ARRDC5: variants seen among roughly 807,000 people sequenced by gnomAD.
ARRDC5 encodes the protein arrestin domain containing 5.
In ARRDC5, 12 loss-of-function variants were observed where a neutral mutation model predicts 13.3. The ratio of observed to expected loss-of-function variants is 0.90; its 90% CI spans 0.58 to 1.46. The LOEUF (loss-of-function observed/expected upper bound fraction) is 1.46, where lower values mean the gene tolerates loss of function less well. Ranked by LOEUF, ARRDC5 falls within the 40% of genes most tolerant of loss-of-function variation. ARRDC5 has a pLI of 0.00. For synonymous variants in ARRDC5, 181 were observed against 173.4 expected (o/e 1.04, Z -0.34); for missense variants, 406 against 418.7 (o/e 0.97, Z 0.26).
chr19:4,909,652 A>T, the ARRDC5 span: 1 of 549,910 alleles, frequency 1.8e-6, no homozygotes, highest in Admixed American at 3.9e-5. Context: ...CGGCGACCGG[A>T]GAGGTGAGCG....
the ARRDC5 span, among the ~76,000 whole-genome samples, chr19:4,913,014 A>G: frequency 6.6e-6 from 1 of 152,122 alleles, no homozygotes; most frequent in East Asian, 1.9e-4. Context: ...TTGGCCTCTC[A>G]AAGTTTTGGG....
At position 4,900,623 on chromosome 19, in the gene ARRDC5, A is replaced by G. The variant is rs183763366; in HGVS notation, c.253+1950T>C. On this transcript the variant is annotated intron_variant, in intron 1 of 2. Transcript: ENST00000650722. Reference sequence around the variant, plus strand: ...GTAAGTTGACATTTGTCCCCAGGATATTTGCATGGCTGGAGTCCCTCCTAT... The same window carrying G: ...GTAAGTTGACATTTGTCCCCAGGATGTTTGCATGGCTGGAGTCCCTCCTAT... Among the ~76,000 whole-genome samples, 19 of 152,182 alleles carry G rather than the reference A, an allele frequency of 1.2e-4. No individual in the cohort carries two copies. In the East Asian group the frequency reaches 3.7e-3, roughly 29 times the overall value.
intron 1 of ARRDC5, among the ~76,000 whole-genome samples, chr19:4,897,244 A>G (rs970822774): frequency 6.6e-6 from 1 of 152,186 alleles, no homozygotes; most frequent in Non-Finnish European, 1.5e-5. Flanking sequence ...GGCGTGAGCC[A>G]CTGCACCTGG....
chr19:4,903,030 T>TTTTTCACTGGTTCTC, upstream of ARRDC5: 1 of 233,542 alleles, frequency 4.3e-6, no homozygotes, highest in Admixed American at 8.3e-5. Flanking sequence ...TCACTGGTTC[T>TTTTTCACTGGTTCTC]TTTTTTTTTT....
chr19:4,905,792 C>A (rs553872093), upstream of ARRDC5, among the ~76,000 whole-genome samples: 10 of 152,302 alleles, frequency 6.6e-5, no homozygotes, highest in Admixed American at 5.2e-4. Flanking sequence ...TCTGGGATTA[C>A]AGGCGTGAGC....
chr19:4,902,302 A>G (rs1448577323), intron 1 of ARRDC5, among the ~76,000 whole-genome samples: 1 of 152,178 alleles, frequency 6.6e-6, no homozygotes, highest in African/African-American at 2.4e-5. Context: ...AGGCCTCTCA[A>G]AGGCAGTTGT....
chr19:4,908,977 GAA>G, the ARRDC5 span, among the ~76,000 whole-genome samples: 1 of 152,286 alleles, frequency 6.6e-6, no homozygotes, highest in South Asian at 2.1e-4. Context: ...AACGAGGCGG[GAA>G]AAGACAGCAA....
the ARRDC5 span, chr19:4,909,435 C>T: frequency 5.6e-4 from 368 of 652,818 alleles, no homozygotes; most frequent in African/African-American, 6.1e-3. Context: ...GGCAGGCGCC[C>T]GCCCCCGGCA....
At chr19:4,908,880 G>C in the ARRDC5 span, among the ~76,000 whole-genome samples, 1 of 152,156 alleles carries the variant, frequency 6.6e-6, no homozygotes, top group African/African-American at 2.4e-5. Flanking sequence ...TCACTCCTGT[G>C]CCCGCCAGGA....
chr19:4,916,616 G>C, the ARRDC5 span, among the ~76,000 whole-genome samples: 1 of 152,160 alleles, frequency 6.6e-6, no homozygotes, highest in African/African-American at 2.4e-5. Context: ...CTGTGTGCTG[G>C]GATGCCCTCG....
upstream of ARRDC5, among the ~76,000 whole-genome samples, chr19:4,907,777 A>G (rs2032098109): frequency 7.9e-6 from 1 of 126,506 alleles, no homozygotes; most frequent in Non-Finnish European, 1.5e-5. Flanking sequence ...CAATGGCGCG[A>G]TCTTGGCTCA....
At chr19:4,911,088 CCT>C in the ARRDC5 span, 1 of 1,448,928 alleles carries the variant, frequency 6.9e-7, no homozygotes. Context: ...AGGCCTCGCG[CCT>C]CTGCAGCCAC....
At chr19:4,909,817 C>T in the ARRDC5 span, 10 of 428,018 alleles carry the variant, frequency 2.3e-5, no homozygotes, top group Non-Finnish European at 4.1e-5. Context: ...GGAATCGTTC[C>T]CCGGCACACA....
upstream of ARRDC5, among the ~76,000 whole-genome samples, chr19:4,905,926 T>C (rs1395920655): frequency 1.3e-5 from 2 of 152,220 alleles, no homozygotes; most frequent in Non-Finnish European, 2.9e-5. Context: ...GCTTTTTTTC[T>C]GAGACGCCTG....
chr19:4,896,642 T>A (rs2031743492), intron 2 of ARRDC5, 29 bp downstream of exon 2: 1 of 1,543,438 alleles, frequency 6.5e-7, no homozygotes, highest in African/African-American at 1.4e-5. Flanking sequence ...TGGAGATTGT[T>A]CCCACCTCCA....
At chr19:4,910,804 A>T in the ARRDC5 span, 1 of 1,475,808 alleles carries the variant, frequency 6.8e-7, no homozygotes, top group East Asian at 2.4e-5. Flanking sequence ...AGCAACCCCG[A>T]CTCCTTAGAG....
At chr19:4,908,209 C>T in the ARRDC5 span, among the ~76,000 whole-genome samples, 1 of 152,180 alleles carries the variant, frequency 6.6e-6, no homozygotes, top group East Asian at 1.9e-4. Context: ...GTGTAAGGCA[C>T]TGTATTCACA....
intron 2 of ARRDC5, among the ~76,000 whole-genome samples, chr19:4,895,422 C>CAAAAAAAAAAAAAA (rs1039157516): frequency 8.5e-4 from 60 of 70,564 alleles, no homozygotes; most frequent in Non-Finnish European, 1.2e-3. Flanking sequence ...GACTCCGTCT[C>CAAAAAAAAAAAAAA]AAAAAAAAAA....
rs2146260948 is a variant in ARRDC5 at position 4,902,620 on chromosome 19, T to C, written c.206A>G (p.Asn69Ser). Residue 69 changes from asparagine (N) to serine (S), a missense_variant, in exon 1 of 3, where the codon AAC (asparagine) becomes AGC (serine). Coordinates refer to ENST00000650722, the MANE Select transcript of ARRDC5 (RefSeq NM_001080523.3). Reference sequence around the variant, plus strand: ...CTTATGCACGTAGTCTGCCTTGTTGTTGCAAATAACATTTCTGCTATAATC... The same window carrying C: ...CTTATGCACGTAGTCTGCCTTGTTGCTGCAAATAACATTTCTGCTATAATC... The part of the protein sequence containing the change: ...SCDYSRNVIC[N>S]NKADYVHKTK... The C allele has an allele frequency of 6.2e-7, 1 of 1,614,050 alleles. No homozygotes were observed. Among genetic ancestry groups the C allele is most frequent in the East Asian group, 2.2e-5 (1 of 44,884 alleles).
Sources: allele counts gnomAD v4.1 joint callset (sites outside exome capture counted in the v4.1 genomes callset), GRCh38; gene constraint gnomAD v4.1.1; transcripts MANE v1.5; gene names NCBI Gene and HGNC (gene_info 2026-07-23, HGNC 2026-07-21).